The following EEPD1 variants were observed in gnomAD, a reference collection of about 807,000 sequenced individuals.
The protein encoded by EEPD1 is endonuclease/exonuclease/phosphatase family domain-containing protein 1.
EEPD1 carries 17 observed loss-of-function variants against 46.3 expected under a neutral mutation model. That is an observed-to-expected ratio of 0.37 (90% CI 0.25 to 0.55). EEPD1 has a LOEUF of 0.55. Ranked by LOEUF, EEPD1 falls within the 20% of genes least tolerant of loss-of-function variation. EEPD1 has a pLI of 0.83. For missense variants in EEPD1, 673 were observed against 745.6 expected, an observed-to-expected ratio of 0.90 and a Z score of 1.13; for synonymous variants, 313 against 315.6, an observed-to-expected ratio of 0.99 and a Z score of 0.09.
intron 6 of EEPD1, among the ~76,000 whole-genome samples, chr7:36,296,030 C>CAA (rs34494609): frequency 0.7 from 50,413 of 72,060 alleles, 19,634 homozygotes; most frequent in East Asian, 0.88. Flanking sequence ...GACTGTCTCA[C>CAA]AAAAAAAAAA....
intron 4 of EEPD1, among the ~76,000 whole-genome samples, chr7:36,282,186 G>T (rs576360213): frequency 2.0e-5 from 3 of 152,182 alleles, no homozygotes; most frequent in African/African-American, 7.2e-5. Context: ...CTAGTTCAGG[G>T]TTCTCCCTTC....
At chr7:36,284,254 A>G (rs574634146) in intron 4 of EEPD1, among the ~76,000 whole-genome samples, 3 of 152,270 alleles carry the variant, frequency 2.0e-5, no homozygotes, top group East Asian at 3.9e-4. Flanking sequence ...AGCAAAACCC[A>G]TCCCTTGGAG....
chr7:36,197,475 G>C (rs1424315912), intron 2 of EEPD1, among the ~76,000 whole-genome samples: 2 of 152,246 alleles, frequency 1.3e-5, no homozygotes, highest in African/African-American at 4.8e-5. Flanking sequence ...ATAGAAAAGG[G>C]GGCAAGGTGG....
intron 2 of EEPD1, among the ~76,000 whole-genome samples, chr7:36,165,586 AATTTATTTATTT>A (rs57475263): frequency 4.4e-4 from 59 of 134,692 alleles, no homozygotes; most frequent in African/African-American, 1.5e-3. Flanking sequence ...CGCCCCAGCT[AATTTATTTATTT>A]ATTTATTTAT....
intron 2 of EEPD1, among the ~76,000 whole-genome samples, chr7:36,197,310 C>T (rs1373248961): frequency 6.6e-6 from 1 of 150,650 alleles, no homozygotes; most frequent in Non-Finnish European, 1.5e-5. Context: ...GCCCCCCGCC[C>T]GGCCAGCCGC....
intron 3 of EEPD1, among the ~76,000 whole-genome samples, chr7:36,271,296 G>A (rs905884005): frequency 7.2e-5 from 11 of 152,010 alleles, no homozygotes; most frequent in East Asian, 3.9e-4. Flanking sequence ...TTTAATGATC[G>A]CCGTTCTAAC....
chr7:36,266,862 C>T (rs1475888181), intron 3 of EEPD1, among the ~76,000 whole-genome samples: 3 of 152,156 alleles, frequency 2.0e-5, no homozygotes, highest in African/African-American at 4.8e-5. Context: ...GCTTTTTTCG[C>T]TTAGTGTAAT....
intron 2 of EEPD1, among the ~76,000 whole-genome samples, chr7:36,212,685 C>T (rs182848481): frequency 3.3e-5 from 5 of 150,918 alleles, no homozygotes; most frequent in Non-Finnish European, 5.9e-5. Context: ...AACCATCTAC[C>T]GTATGTATTC....
At chr7:36,260,534 T>C (rs1269409136) in intron 3 of EEPD1, among the ~76,000 whole-genome samples, 1 of 152,250 alleles carries the variant, frequency 6.6e-6, no homozygotes, top group East Asian at 1.9e-4. Context: ...CATACTTCTT[T>C]AGTGTCCCAG....
intron 2 of EEPD1, among the ~76,000 whole-genome samples, chr7:36,170,312 G>A (rs551738387): frequency 1.8e-4 from 27 of 152,294 alleles, no homozygotes; most frequent in African/African-American, 6.0e-4. Flanking sequence ...AGGAGGCTGA[G>A]GCAGGAGAAT....
intron 3 of EEPD1, among the ~76,000 whole-genome samples, chr7:36,248,285 A>G (rs1357222335): frequency 2.7e-5 from 4 of 150,742 alleles, no homozygotes; most frequent in Admixed American, 2.0e-4. Flanking sequence ...GCTCATTGCA[A>G]CCTCCACCTC....
Position 36,262,029 on chromosome 7 carries a change from A to G in EEPD1, c.931-19086A>G, listed in dbSNP as rs571210589. Among the ~76,000 whole-genome samples, 76 of 152,364 alleles carry G rather than the reference A, an allele frequency of 5.0e-4. 3 individuals are homozygous for G. The South Asian group carries it at 0.015, about 31-fold the overall frequency. On this transcript the variant is annotated intron_variant, in intron 3 of 7. Transcript: ENST00000242108. ...TCTTTGTAGAAATTCAAAAGCGTTC[A>G]CTGACATTCCTTAGAAGCATTATCC... is the stretch of plus-strand genomic sequence containing the variant.
intron 2 of EEPD1, among the ~76,000 whole-genome samples, chr7:36,163,957 C>T (rs1168214831): frequency 6.6e-6 from 1 of 151,454 alleles, no homozygotes; most frequent in Non-Finnish European, 1.5e-5. Context: ...ATCACCCAGA[C>T]TGCATTCTAG....
intron 3 of EEPD1, among the ~76,000 whole-genome samples, chr7:36,271,031 G>A (rs756630908): frequency 2.0e-5 from 3 of 151,912 alleles, no homozygotes; most frequent in Non-Finnish European, 2.9e-5. Context: ...CTGTCACCCA[G>A]GCTGGAGTGC....
chr7:36,259,288 T>C (rs897568831), intron 3 of EEPD1, among the ~76,000 whole-genome samples: 9 of 152,218 alleles, frequency 5.9e-5, no homozygotes, highest in African/African-American at 2.2e-4. Flanking sequence ...TGTTCCTATA[T>C]GGCCATCTTG....
At chr7:36,283,518 A>G (rs1272939736) in intron 4 of EEPD1, among the ~76,000 whole-genome samples, 15 of 152,172 alleles carry the variant, frequency 9.9e-5, no homozygotes, top group Non-Finnish European at 4.4e-5. Context: ...CAGGGCAGTC[A>G]TACCTCCCTC....
At chr7:36,158,976 T>C (rs977431806) in intron 2 of EEPD1, among the ~76,000 whole-genome samples, 1 of 152,218 alleles carries the variant, frequency 6.6e-6, no homozygotes, top group African/African-American at 2.4e-5. Context: ...TGTCAAAGTC[T>C]TTAGCCCTGT....
At chr7:36,194,748 A>C (rs1010695836) in intron 2 of EEPD1, among the ~76,000 whole-genome samples, 30 of 152,198 alleles carry the variant, frequency 2.0e-4, no homozygotes, top group Admixed American at 2.6e-4. Flanking sequence ...TTGGAGAGGC[A>C]GCAGGTGGTT....
chr7:36,221,317 C>G (rs1333862387), intron 2 of EEPD1, among the ~76,000 whole-genome samples: 1 of 152,162 alleles, frequency 6.6e-6, no homozygotes, highest in African/African-American at 2.4e-5. Flanking sequence ...AGAGCCAGCT[C>G]TATGGTATGT....
Sources: allele counts gnomAD v4.1 joint callset (sites outside exome capture counted in the v4.1 genomes callset), GRCh38; gene constraint gnomAD v4.1.1; transcripts MANE v1.5; gene names NCBI Gene and HGNC (gene_info 2026-07-23, HGNC 2026-07-21).